The following KIAA0513 variants were observed in gnomAD, a reference collection of about 807,000 sequenced individuals.
KIAA0513 encodes the protein uncharacterized protein KIAA0513.
In KIAA0513, 39 loss-of-function variants were observed where a neutral mutation model predicts 56.5. The observed-to-expected ratio is 0.69, with a 90% CI of 0.53 to 0.90. KIAA0513 has a LOEUF of 0.90. Ranked by LOEUF, KIAA0513 falls within the 40% of genes least tolerant of loss-of-function variation. KIAA0513 has a pLI of 0.00. For missense variants in KIAA0513, 591 were observed against 535.2 expected, an observed-to-expected ratio of 1.10 and a Z score of -1.03; for synonymous variants, 268 against 215.6, an observed-to-expected ratio of 1.24 and a Z score of -2.13.
intron 11 of KIAA0513, 144 bp downstream of exon 11, chr16:85,086,868 A>T: frequency 1.1e-6 from 1 of 871,392 alleles, no homozygotes; most frequent in East Asian, 2.7e-5. Context: ...ATGCCAGCTC[A>T]TAATTAATCC....
At chr16:85,056,663 T>C (rs1267730533) in intron 1 of KIAA0513, among the ~76,000 whole-genome samples, 1 of 152,132 alleles carries the variant, frequency 6.6e-6, no homozygotes, top group African/African-American at 2.4e-5. Context: ...CTGGTTACGG[T>C]GCTGGCCCCC....
chr16:85,070,394 A>G (rs907674632), intron 2 of KIAA0513, among the ~76,000 whole-genome samples: 1 of 151,918 alleles, frequency 6.6e-6, no homozygotes, highest in Non-Finnish European at 1.5e-5. Flanking sequence ...AAATGCATTT[A>G]TGGGCTGAGT....
rs1177167759 is a variant in KIAA0513 at position 85,079,131 on chromosome 16, G to T, written c.902+128G>T. ...AATTCTCACACTCACCAGAGTGGCA[G>T]AATAAAAAGATGAACACTCACAGGC... On this transcript the variant is annotated intron_variant, in intron 8 of 12. Coordinates refer to ENST00000683363, the MANE Select transcript of KIAA0513 (RefSeq NM_001388359.1). The T allele has an allele frequency of 4.6e-6, 7 of 1,520,944 alleles. No homozygotes were observed. The East Asian group carries it at 9.6e-5, about 21-fold the overall frequency. The allele number at this position is 1,520,944 out of a possible 1,614,324, so 94.2% of individuals were successfully genotyped here.
At chr16:85,062,183 C>T (rs1158403261) in intron 1 of KIAA0513, among the ~76,000 whole-genome samples, 2 of 150,484 alleles carry the variant, frequency 1.3e-5, no homozygotes, top group Non-Finnish European at 1.5e-5. Flanking sequence ...CTCTATCTTC[C>T]CCTCTCCCTG....
At chr16:85,084,718 T>C (rs908406890) in intron 10 of KIAA0513, among the ~76,000 whole-genome samples, 1 of 150,154 alleles carries the variant, frequency 6.7e-6, no homozygotes, top group African/African-American at 2.4e-5. Context: ...CATGAGCCAC[T>C]GCGCCCGGCC....
intron 1 of KIAA0513, among the ~76,000 whole-genome samples, chr16:85,056,597 C>T (rs62049871): frequency 0.25 from 38,692 of 152,094 alleles, 5,102 homozygotes; most frequent in South Asian, 0.36. Flanking sequence ...ATCTCCTTGC[C>T]ATTGGGTGTG....
At chr16:85,069,359 C>T (rs1353741727) in intron 2 of KIAA0513, among the ~76,000 whole-genome samples, 7 of 152,046 alleles carry the variant, frequency 4.6e-5, no homozygotes, top group African/African-American at 1.4e-4. Flanking sequence ...GACAGCAGTG[C>T]GCCACTATAC....
In KIAA0513 at chr16:85,073,009, C is replaced by G. The variant is rs761050989; in HGVS notation, c.503+11C>G. The G allele has an allele frequency of 1.1e-5, 17 of 1,610,826 alleles. No individual in the cohort carries two copies. The highest frequency in any genetic ancestry group is 1.3e-5 in the Non-Finnish European group (15 of 1,177,394). ...AGTGGTGCTGTTCGAGTAAGTAATG[C>G]CGTGGCACAAAGCCTTTGTCCTGGC... On this transcript the variant is annotated intron_variant, in intron 4 of 12. Coordinates refer to ENST00000683363, the MANE Select transcript of KIAA0513 (RefSeq NM_001388359.1).
At chr16:85,051,655 C>T (rs556416622) in intron 1 of KIAA0513, among the ~76,000 whole-genome samples, 2 of 152,260 alleles carry the variant, frequency 1.3e-5, no homozygotes, top group East Asian at 3.9e-4. Flanking sequence ...ATTTAAAGAC[C>T]ACCATCTTGT....
chr16:85,079,994 C>G (rs1000436065), intron 8 of KIAA0513, among the ~76,000 whole-genome samples: 3 of 152,184 alleles, frequency 2.0e-5, no homozygotes, highest in African/African-American at 4.8e-5. Context: ...CAGTGTCAGA[C>G]GGGCCCTCCC....
intron 1 of KIAA0513, among the ~76,000 whole-genome samples, chr16:85,061,102 G>A (rs1384216174): frequency 6.0e-5 from 9 of 151,234 alleles, no homozygotes; most frequent in African/African-American, 2.2e-4. Flanking sequence ...GTAGTGAGCC[G>A]AGATCACGCC....
chr16:85,054,120 A>T (rs1174852901), intron 1 of KIAA0513, among the ~76,000 whole-genome samples: 2 of 152,102 alleles, frequency 1.3e-5, no homozygotes, highest in Non-Finnish European at 2.9e-5. Flanking sequence ...TGATTGTGCC[A>T]CTGCACTCCA....
At chr16:85,062,038 C>G (rs1380435102) in intron 1 of KIAA0513, among the ~76,000 whole-genome samples, 1 of 152,282 alleles carries the variant, frequency 6.6e-6, no homozygotes, top group Non-Finnish European at 1.5e-5. Context: ...CTTTCCATCT[C>G]AGCTCAGAGG....
At chr16:85,030,301 G>A (rs551780241) in intron 1 of KIAA0513, among the ~76,000 whole-genome samples, 4 of 152,180 alleles carry the variant, frequency 2.6e-5, no homozygotes, top group African/African-American at 4.8e-5. Context: ...GCAGTTCTCC[G>A]GCAGCCTGCT....
At position 85,093,160 on chromosome 16, in the gene KIAA0513, T is replaced by C. The variant is rs1331044103; in HGVS notation, c.*4835T>C. 6.7e-6 allele frequency: 1 copy of C among 149,200 alleles called. No individual in the cohort carries two copies. The highest frequency in any genetic ancestry group is 2.5e-5 in the African/African-American group (1 of 39,974). 9.2% of individuals were successfully genotyped at this position (149,200 alleles called of 1,614,324 possible). ...GGTGTCTCTAGCCTGCAGAGTGCAG[T>C]GAGTGAGAGTCCTTGGGAGCGCGGC... is the stretch of plus-strand genomic sequence containing the variant. On this transcript the variant is annotated 3_prime_UTR_variant, in exon 13 of 13. Transcript: ENST00000683363.
In KIAA0513 at chr16:85,067,088, T is replaced by G; in HGVS notation, c.17T>G (p.Val6Gly). The G allele has an allele frequency of 6.3e-7, 1 of 1,585,786 alleles. No individual in the cohort carries two copies. The highest frequency in any genetic ancestry group is 1.2e-5 in the South Asian group (1 of 86,920). Residue 6 changes from valine to glycine, a missense_variant, in exon 2 of 13, where the codon GTC becomes GGC. By Grantham distance (109) the Val-to-Gly change is moderately radical. Coordinates refer to ENST00000683363, the MANE Select transcript of KIAA0513 (RefSeq NM_001388359.1). ...CCCTGAGCCATGGAGACCCCAGAGG[T>G]CCCCGTGGGCTCGCTAATCGACTTT... METPE[V>G]PVGSLIDFGP...
intron 4 of KIAA0513, among the ~76,000 whole-genome samples, chr16:85,073,658 C>T (rs2073612308): frequency 6.6e-6 from 1 of 152,228 alleles, no homozygotes; most frequent in African/African-American, 2.4e-5. Context: ...GGAGGGGATG[C>T]CTCTTGGCCT....
chr16:85,042,436 C>T (rs1277390816), intron 1 of KIAA0513, among the ~76,000 whole-genome samples: 2 of 152,158 alleles, frequency 1.3e-5, no homozygotes, highest in African/African-American at 4.8e-5. Flanking sequence ...AAATAGGGGG[C>T]AGGGTCCTTG....
intron 2 of KIAA0513, among the ~76,000 whole-genome samples, chr16:85,069,289 C>T (rs2073536861): frequency 6.6e-6 from 1 of 151,800 alleles, no homozygotes; most frequent in South Asian, 2.1e-4. Flanking sequence ...TAGCTCACCA[C>T]AGCCTCAAAC....
Sources: gnomAD v4.1 joint callset for allele counts (sites outside exome capture counted in the v4.1 genomes callset) on GRCh38, gnomAD v4.1.1 for gene constraint, MANE v1.5 for transcripts, NCBI Gene and HGNC (gene_info 2026-07-23, HGNC 2026-07-21) for gene names.